Variants in ENTHD1 observed in about 807,000 individuals in gnomAD.
ENTHD1 encodes ENTH domain containing 1, also known as ENTH domain-containing protein 1.
ENTHD1 carries 23 observed loss-of-function variants against 39.1 expected under a neutral mutation model. The ratio of observed to expected loss-of-function variants is 0.59; its 90% CI spans 0.42 to 0.83. ENTHD1 has a LOEUF of 0.83. ENTHD1 is among the 40% of genes least tolerant of loss of function. The pLI is 0.00. For synonymous variants in ENTHD1, 230 were observed against 258.2 expected (o/e 0.89, Z 1.05); for missense variants, 624 against 705.4 (o/e 0.88, Z 1.31).
rs756942979 is a variant in ENTHD1, at chr22:39,887,839, G to T, written c.-91C>A. On this transcript the variant is annotated 5_prime_UTR_variant, in exon 2 of 7. Coordinates refer to ENST00000325157, the MANE Select transcript of ENTHD1 (RefSeq NM_152512.4). Reference sequence around the variant, plus strand: ...TTTATAAAACTCTTGACAGGTAATTGGTCCCCAGTTCTGCTGCTCCCAAAT... The same window carrying T: ...TTTATAAAACTCTTGACAGGTAATTTGTCCCCAGTTCTGCTGCTCCCAAAT... 49 of 859,280 alleles carry T rather than the reference G, an allele frequency of 5.7e-5. No homozygotes were observed. Among genetic ancestry groups the T allele is most frequent in the Non-Finnish European group, 8.1e-5 (46 of 567,606 alleles). The allele number at this position is 859,280 out of a possible 1,614,324, so 53.2% of individuals were successfully genotyped here.
intron 4 of ENTHD1, among the ~76,000 whole-genome samples, chr22:39,831,330 T>C (rs1267615699): frequency 6.6e-6 from 1 of 152,118 alleles, no homozygotes; most frequent in African/African-American, 2.4e-5. Context: ...AAGCTGCCAG[T>C]AAGTCCTGAA....
chr22:39,804,120 C>T (rs923961583), intron 5 of ENTHD1, among the ~76,000 whole-genome samples: 1 of 151,976 alleles, frequency 6.6e-6, no homozygotes, highest in African/African-American at 2.4e-5. Context: ...CCCATGATCA[C>T]ACCACTGCAC....
chr22:39,829,318 T>C lies in ENTHD1; in HGVS notation c.711+6522A>G, dbSNP rs1467973402. The stretch of plus-strand genomic sequence containing the variant: ...TGAAATAAGATGTAATGTAGATCAA[T>C]AACACTGAGTTTCTCTGAAGTAAGA... On this transcript the variant is annotated intron_variant, in intron 4 of 6. Coordinates refer to ENST00000325157, the MANE Select transcript of ENTHD1 (RefSeq NM_152512.4). Among the ~76,000 whole-genome samples, 3 of 149,544 alleles carry C rather than the reference T, an allele frequency of 2.0e-5. 1 individual carries two copies. The highest frequency in any genetic ancestry group is 6.7e-5 in the Admixed American group (1 of 14,950).
intron 4 of ENTHD1, among the ~76,000 whole-genome samples, chr22:39,829,830 T>A (rs62228551): frequency 3.2e-5 from 4 of 124,960 alleles, no homozygotes; most frequent in Non-Finnish European, 7.2e-5. Flanking sequence ...ATAAATAAAA[T>A]AATTTTTGAC....
chr22:39,863,434 T>C (rs2066159919), intron 2 of ENTHD1, among the ~76,000 whole-genome samples: 1 of 152,224 alleles, frequency 6.6e-6, no homozygotes, highest in Non-Finnish European at 1.5e-5. Flanking sequence ...CTTAACCATC[T>C]GTGTGACTTT....
At chr22:39,841,287 G>T (rs1401536996) in intron 3 of ENTHD1, among the ~76,000 whole-genome samples, 1 of 152,074 alleles carries the variant, frequency 6.6e-6, no homozygotes, top group East Asian at 1.9e-4. Context: ...TGTAGGTTGG[G>T]TTCCCTAGGA....
At chr22:39,827,941 T>C (rs146402808) in intron 4 of ENTHD1, among the ~76,000 whole-genome samples, 290 of 152,328 alleles carry the variant, frequency 1.9e-3, no homozygotes, top group Middle Eastern at 6.8e-3. Flanking sequence ...TGTATGTGTA[T>C]ACGTATATAG....
intron 2 of ENTHD1, among the ~76,000 whole-genome samples, chr22:39,878,549 T>C (rs564082917): frequency 8.8e-5 from 13 of 147,816 alleles, no homozygotes; most frequent in Admixed American, 3.4e-4. Flanking sequence ...ACCTTACGTA[T>C]AGAGGAACAA....
chr22:39,853,242 T>G (rs1486265641), intron 3 of ENTHD1, among the ~76,000 whole-genome samples: 1 of 152,200 alleles, frequency 6.6e-6, no homozygotes, highest in Admixed American at 6.5e-5. Context: ...ACAGTGTATT[T>G]CTAGTCACAA....
In ENTHD1 at chr22:39,745,532, ACT is replaced by A. The variant is rs1268770171; in HGVS notation, c.1220-1251_1220-1250del. Among the ~76,000 whole-genome samples the A allele has an allele frequency of 3.9e-5, 6 of 152,128 alleles. No individual in the cohort carries two copies. The East Asian group carries it at 1.2e-3, about 29-fold the overall frequency. On this transcript the variant is annotated intron_variant, in intron 6 of 6. Transcript: ENST00000325157. ...TCTCAGGAAAAATTCCAATCACAAA[ACT>A]TTTTTGGGGATGAAATATATTCTCA...
chr22:39,765,136 G>A lies in ENTHD1; in HGVS notation c.1219+87C>T, dbSNP rs1472423701. ...AGGGAACAAAAAAAGGAGACAGAAA[G>A]CAGAGAAAAGTAAAATAATGCTTCA... is the stretch of plus-strand genomic sequence containing the variant. On this transcript the variant is annotated intron_variant, in intron 6 of 6. Transcript: ENST00000325157. 3 of 1,439,656 alleles carry A rather than the reference G, an allele frequency of 2.1e-6. No individual in the cohort carries two copies. In the African/African-American group the frequency reaches 4.3e-5, roughly 21 times the overall value. 89.2% of individuals were successfully genotyped at this position (1,439,656 alleles called of 1,614,324 possible).
rs2065078114 is a variant in ENTHD1 at position 39,743,727 on chromosome 22, C to A, written c.1776G>T (p.Gln592His). Residue 592 changes from glutamine to histidine, a missense_variant, in exon 7 of 7, where the codon CAG (glutamine) becomes CAT (histidine). By Grantham distance (24) the Gln-to-His change is conservative. Transcript: ENST00000325157. ...SMSLNSSQIS[Q>H]SSQVPQSSEG... ...CAGAAGACTGGGGGACCTGGGAAGA[C>A]TGGCTTATTTGTGAACTATTCAGAC... 5 of 1,613,750 alleles carry A rather than the reference C, an allele frequency of 3.1e-6. No individual in the cohort carries two copies. Among genetic ancestry groups the A allele is most frequent in the Middle Eastern group, 1.6e-4 (1 of 6,084 alleles).
intron 3 of ENTHD1, among the ~76,000 whole-genome samples, chr22:39,857,045 T>C (rs1370478012): frequency 1.3e-5 from 2 of 152,132 alleles, no homozygotes; most frequent in African/African-American, 4.8e-5. Context: ...CAAAACTTCA[T>C]TTGAAAGTGG....
At chr22:39,799,781 A>T (rs2065583777) in intron 5 of ENTHD1, among the ~76,000 whole-genome samples, 1 of 152,318 alleles carries the variant, frequency 6.6e-6, no homozygotes, top group East Asian at 1.9e-4. Context: ...CCTGTCCACA[A>T]TGACCTGGGC....
At chr22:39,856,414 A>C (rs1364995442) in intron 3 of ENTHD1, among the ~76,000 whole-genome samples, 1 of 152,060 alleles carries the variant, frequency 6.6e-6, no homozygotes, top group African/African-American at 2.4e-5. Context: ...TAGTATTGCC[A>C]AGTTTACTTA....
Position 39,744,193 on chromosome 22 carries a change from A to G in ENTHD1, c.1310T>C (p.Leu437Ser), listed in dbSNP as rs547486923. ...GGAAGGTCCGGCCAGAATTGGTGAT[A>G]AGAGATGAGCTGACTTCTCTGGAGA... ...LASPEKSAHL[L>S]SPILAGPSFW... Residue 437 changes from leucine to serine, a missense_variant, in exon 7 of 7, where the codon TTA becomes TCA. Physicochemically the swap from Leu to Ser is moderately radical, Grantham distance 145. Transcript: ENST00000325157. 10 of 1,614,178 alleles carry G rather than the reference A, an allele frequency of 6.2e-6. No individual in the cohort carries two copies. The highest frequency in any genetic ancestry group is 3.3e-5 in the South Asian group (3 of 91,082).
intron 4 of ENTHD1, among the ~76,000 whole-genome samples, chr22:39,834,825 C>G (rs1377919897): frequency 1.3e-5 from 2 of 152,326 alleles, no homozygotes; most frequent in South Asian, 2.1e-4. Context: ...ATGTGACAAC[C>G]TGTCGGCCCC....
intron 5 of ENTHD1, among the ~76,000 whole-genome samples, chr22:39,815,112 C>T (rs1569151901): frequency 6.6e-6 from 1 of 152,148 alleles, no homozygotes; most frequent in Non-Finnish European, 1.5e-5. Context: ...ATGAGTCACA[C>T]CTATGAAATG....
At chr22:39,789,876 G>C (rs78059826) in intron 5 of ENTHD1, among the ~76,000 whole-genome samples, 15,461 of 152,142 alleles carry the variant, frequency 0.1, 920 homozygotes, top group Middle Eastern at 0.14. Context: ...CAGTGTGACT[G>C]TTTTATATAG....
Sources: gnomAD v4.1 joint callset for allele counts (sites outside exome capture counted in the v4.1 genomes callset) on GRCh38, gnomAD v4.1.1 for gene constraint, MANE v1.5 for transcripts, NCBI Gene and HGNC (gene_info 2026-07-23, HGNC 2026-07-21) for gene names.